NRG3: variants seen among roughly 807,000 people sequenced by gnomAD.
NRG3 encodes neuregulin 3.
In NRG3, 31 loss-of-function variants were observed where a neutral mutation model predicts 66.9. That is an observed-to-expected ratio of 0.46 (90% CI 0.35 to 0.63). NRG3 has a LOEUF of 0.63. Among genes scored for constraint, NRG3 ranks in the 20% least tolerant of loss-of-function variants. The probability of loss-of-function intolerance (pLI) is 0.00; values close to 1 mark genes in which losing one functional copy is unlikely to be tolerated. For missense variants in NRG3, 910 were observed against 878.9 expected (o/e 1.04, Z -0.45); for synonymous variants, 393 against 359.4 (o/e 1.09, Z -1.06).
At chr10:82,100,285 T>G (rs1248891513) in intron 1 of NRG3, among the ~76,000 whole-genome samples, 1 of 152,160 alleles carries the variant, frequency 6.6e-6, no homozygotes, top group Non-Finnish European at 1.5e-5. Context: ...GTGGATGCCT[T>G]TGAACTTCCT....
intron 2 of NRG3, among the ~76,000 whole-genome samples, chr10:82,680,893 GGA>G (rs1434157542): frequency 2.6e-5 from 4 of 152,186 alleles, no homozygotes; most frequent in African/African-American, 9.6e-5. Context: ...CCTTGCCAAG[GGA>G]TGTTAGCCAC....
chr10:82,837,304 T>A (rs1024538975), intron 3 of NRG3, among the ~76,000 whole-genome samples: 1 of 152,186 alleles, frequency 6.6e-6, no homozygotes, highest in Non-Finnish European at 1.5e-5. Flanking sequence ...TCTAGATCCC[T>A]GAGGAATCAC....
intron 2 of NRG3, among the ~76,000 whole-genome samples, chr10:82,562,755 C>T (rs1043181638): frequency 4.6e-5 from 7 of 151,720 alleles, no homozygotes; most frequent in African/African-American, 1.7e-4. Context: ...TGGGGACCTA[C>T]TGCTTCTATC....
intron 1 of NRG3, chr10:82,224,456 T>C (rs1237796869): frequency 2.0e-5 from 3 of 152,240 alleles, no homozygotes; most frequent in South Asian, 4.1e-4. Context: ...TGTGTTCATG[T>C]CTGCCCCTCA....
chr10:82,827,266 GACTGGAACAACAACAAAAAGAA>G (rs1369467579), intron 3 of NRG3: 1 of 265,430 alleles, frequency 3.8e-6, no homozygotes, highest in Admixed American at 5.7e-5. Flanking sequence ...TAATTTCAAA[GACTGGAACAACAACAAAAAGAA>G]AACAAAGGCA....
chr10:82,074,792 C>T (rs2065000726), intron 1 of NRG3, among the ~76,000 whole-genome samples: 1 of 152,198 alleles, frequency 6.6e-6, no homozygotes, highest in South Asian at 2.1e-4. Flanking sequence ...AGCTGCAATC[C>T]TGTCATTGTA....
chr10:82,406,613 A>C (rs1173293037), intron 2 of NRG3, among the ~76,000 whole-genome samples: 2 of 152,306 alleles, frequency 1.3e-5, no homozygotes, highest in East Asian at 3.9e-4. Context: ...GGTAATGCAG[A>C]TATCGATTGC....
intron 1 of NRG3, among the ~76,000 whole-genome samples, chr10:82,018,673 A>T (rs953701075): frequency 1.3e-5 from 2 of 152,118 alleles, no homozygotes; most frequent in African/African-American, 4.8e-5. Context: ...TTGGATCCCT[A>T]GGTATTGTAT....
At chr10:82,720,112 G>A (rs2057205725) in intron 2 of NRG3, among the ~76,000 whole-genome samples, 1 of 152,160 alleles carries the variant, frequency 6.6e-6, no homozygotes, top group African/African-American at 2.4e-5. Context: ...AGTTAAGGCT[G>A]GGCACAGTGG....
chr10:82,861,194 G>C (rs916162072), intron 3 of NRG3, among the ~76,000 whole-genome samples: 2 of 151,676 alleles, frequency 1.3e-5, no homozygotes, highest in East Asian at 3.9e-4. Context: ...GAGAGAGAGA[G>C]AAAGAAAGAG....
chr10:82,150,943 A>C (rs2070699938), intron 1 of NRG3, among the ~76,000 whole-genome samples: 1 of 152,238 alleles, frequency 6.6e-6, no homozygotes, highest in Non-Finnish European at 1.5e-5. Context: ...TAGAAAAGGA[A>C]ATCTTGACAA....
intron 3 of NRG3, among the ~76,000 whole-genome samples, chr10:82,744,283 A>G (rs2058551543): frequency 1.3e-5 from 2 of 152,202 alleles, no homozygotes; most frequent in African/African-American, 2.4e-5. Flanking sequence ...AAAAAATACC[A>G]TTAACTGGGT....
At chr10:82,174,016 A>T (rs538202599) in intron 1 of NRG3, among the ~76,000 whole-genome samples, 2 of 152,240 alleles carry the variant, frequency 1.3e-5, no homozygotes, top group East Asian at 1.9e-4. Context: ...TCAGGTTCTC[A>T]TGCATCATCT....
At chr10:82,447,873 T>A (rs887174229) in intron 2 of NRG3, among the ~76,000 whole-genome samples, 3 of 152,202 alleles carry the variant, frequency 2.0e-5, no homozygotes, top group Admixed American at 6.5e-5. Flanking sequence ...ATAGCTGCTC[T>A]TGATGTTCAC....
At chr10:82,174,100 G>C (rs1044080417) in intron 1 of NRG3, among the ~76,000 whole-genome samples, 2 of 152,072 alleles carry the variant, frequency 1.3e-5, no homozygotes, top group Non-Finnish European at 2.9e-5. Flanking sequence ...AATTACCCAT[G>C]TGTGGTACAT....
At chr10:81,964,373 G>A (rs1159699771) in intron 1 of NRG3, among the ~76,000 whole-genome samples, 1 of 136,618 alleles carries the variant, frequency 7.3e-6, no homozygotes. Context: ...TCCAGCTTGG[G>A]CAACAGAGTG....
chr10:82,759,737 G>T (rs1318623695), intron 3 of NRG3, among the ~76,000 whole-genome samples: 2 of 152,124 alleles, frequency 1.3e-5, no homozygotes, highest in Non-Finnish European at 2.9e-5. Flanking sequence ...ACAAGTGTTT[G>T]AGACAAAGAA....
intron 1 of NRG3, among the ~76,000 whole-genome samples, chr10:82,313,549 C>T (rs2081142800): frequency 6.6e-6 from 1 of 152,024 alleles, no homozygotes; most frequent in Non-Finnish European, 1.5e-5. Flanking sequence ...AATGACCCTA[C>T]CCAGGACACC....
chr10:82,318,715 G>T (rs991807954), intron 1 of NRG3, among the ~76,000 whole-genome samples: 1 of 152,156 alleles, frequency 6.6e-6, no homozygotes, highest in Non-Finnish European at 1.5e-5. Flanking sequence ...TCTTCTCACT[G>T]TTGCCTCTGC....
Sources: gnomAD v4.1 joint callset for allele counts (sites outside exome capture counted in the v4.1 genomes callset) on GRCh38, gnomAD v4.1.1 for gene constraint, MANE v1.5 for transcripts, NCBI Gene and HGNC (gene_info 2026-07-23, HGNC 2026-07-21) for gene names.